Variants in TRIM13 observed in about 807,000 individuals in gnomAD.
TRIM13 encodes E3 ubiquitin-protein ligase TRIM13.
TRIM13 carries 15 observed loss-of-function variants against 27.1 expected under a neutral mutation model. The observed-to-expected ratio is 0.55, with a 90% CI of 0.37 to 0.85. TRIM13 has a LOEUF of 0.85. TRIM13 is among the 40% of genes least tolerant of loss of function. The pLI, the probability that TRIM13 is intolerant of heterozygous loss-of-function variation, is 0.00. For synonymous variants in TRIM13, 193 were observed against 171.5 expected, an observed-to-expected ratio of 1.13 and a Z score of -0.98; for missense variants, 402 against 472.2, an observed-to-expected ratio of 0.85 and a Z score of 1.38.
Position 50,012,253 on chromosome 13 carries a change from T to G in TRIM13, c.313T>G (p.Phe105Val). ...ACACTTGGGGCAGCCTCTCAACATT[T>G]TCTGCCTGACTGATATGCAGCTGAT... Reference protein sequence around the residue: ...KGHLGQPLNIFCLTDMQLICG... With the variant: ...KGHLGQPLNIVCLTDMQLICG... Residue 105 changes from phenylalanine (F) to valine (V), a missense_variant, in exon 2 of 2, where the codon TTC becomes GTC. By Grantham distance (50) the Phe-to-Val change is conservative. Transcript: ENST00000378182. 1 of 1,614,168 alleles carries G rather than the reference T, an allele frequency of 6.2e-7. No homozygotes were observed. The highest frequency in any genetic ancestry group is 8.5e-7 in the Non-Finnish European group (1 of 1,179,996).
At chr13:50,007,941 G>A (rs1201082488) in intron 1 of TRIM13, among the ~76,000 whole-genome samples, 4 of 150,346 alleles carry the variant, frequency 2.7e-5, no homozygotes, top group African/African-American at 4.9e-5. Context: ...GTATTGCTGT[G>A]TTGCCCAGGC....
chr13:50,012,402 G>T lies in TRIM13; in HGVS notation c.462G>T (p.Arg154=). ...TCCAGAGCTTTGAGACCTGGCGTCG[G>T]GGAGATGCTCTTTCTCGCTTGGATA... The part of the protein sequence containing the change: ...SLFQSFETWR[R]GDALSRLDTL... Residue 154 remains arginine, a synonymous_variant, in exon 2 of 2, where the codon CGG becomes CGT. Coordinates refer to ENST00000378182, the MANE Select transcript of TRIM13 (RefSeq NM_213590.3). 6.2e-7 allele frequency: 1 copy of T among 1,614,080 alleles called. No individual in the cohort carries two copies. The highest frequency in any genetic ancestry group is 8.5e-7 in the Non-Finnish European group (1 of 1,180,004).
rs758543274 is a variant in TRIM13 at position 50,014,400 on chromosome 13, CATATAT to C, written c.*1239_*1244del. The C allele has an allele frequency of 7.7e-6, 1 of 129,794 alleles. No individual in the cohort carries two copies. Among genetic ancestry groups the C allele is most frequent in the African/African-American group, 3.2e-5 (1 of 30,808 alleles). 8.0% of individuals were successfully genotyped at this position (129,794 alleles called of 1,614,324 possible). On this transcript the variant is annotated 3_prime_UTR_variant, in exon 2 of 2. Transcript: ENST00000378182. ...ACATATGTACACATACATATATATA[CATATAT>C]ATGTATATATAGAACACATGGCAAG...
chr13:50,010,259 G>C (rs1875454734), intron 1 of TRIM13, among the ~76,000 whole-genome samples: 1 of 151,812 alleles, frequency 6.6e-6, no homozygotes, highest in African/African-American at 2.4e-5. Context: ...TTGCTATGTT[G>C]CCCGTACTGG....
At chr13:50,010,778 G>C (rs1422725356) in intron 1 of TRIM13, among the ~76,000 whole-genome samples, 1 of 152,084 alleles carries the variant, frequency 6.6e-6, no homozygotes, top group Non-Finnish European at 1.5e-5. Context: ...CCCAGAAAAT[G>C]TCAGGTAGCT....
At chr13:50,005,683 A>G (rs1345658776) in intron 1 of TRIM13, among the ~76,000 whole-genome samples, 1 of 151,878 alleles carries the variant, frequency 6.6e-6, no homozygotes, top group Non-Finnish European at 1.5e-5. Flanking sequence ...TCTAAAAAAA[A>G]AAGAGAGAAG....
Position 50,015,822 on chromosome 13 carries a change from T to C in TRIM13, c.*2658T>C. ...CTGCTACAGCCAAGACCTGCTCTTG[T>C]GGAGGTACATTTCCTAAGCCGGAAC... On this transcript the variant is annotated 3_prime_UTR_variant, in exon 2 of 2. Coordinates refer to ENST00000378182, the MANE Select transcript of TRIM13 (RefSeq NM_213590.3). 3 of 1,614,152 alleles carry C rather than the reference T, an allele frequency of 1.9e-6. No homozygotes were observed. The highest frequency in any genetic ancestry group is 2.5e-6 in the Non-Finnish European group (3 of 1,179,984).
intron 1 of TRIM13, among the ~76,000 whole-genome samples, chr13:50,006,397 GT>G (rs1566435945): frequency 6.6e-6 from 1 of 151,940 alleles, no homozygotes; most frequent in Non-Finnish European, 1.5e-5. Context: ...TATATTCTTT[GT>G]TTTCTTCTTA....
Position 50,015,766 on chromosome 13 carries a change from T to C in TRIM13, c.*2602T>C, listed in dbSNP as rs748222155. On this transcript the variant is annotated 3_prime_UTR_variant, in exon 2 of 2. Transcript: ENST00000378182. ...AGAGAGAGGCTCTTTTCTATGAACT[T>C]CGTTCTCTAGTTGATCTCTTAAACC... 1 of 1,614,140 alleles carries C rather than the reference T, an allele frequency of 6.2e-7. No individual in the cohort carries two copies. The highest frequency in any genetic ancestry group is 8.5e-7 in the Non-Finnish European group (1 of 1,179,984).
Position 50,017,871 on chromosome 13 carries a change from T to C in TRIM13, c.*4707T>C, listed in dbSNP as rs1298326321. 6.0e-6 allele frequency: 1 copy of C among 167,098 alleles called. No homozygotes were observed. Among genetic ancestry groups the C allele is most frequent in the Non-Finnish European group, 1.5e-5 (1 of 68,110 alleles). The allele number at this position is 167,098 out of a possible 1,614,324, so 10.4% of individuals were successfully genotyped here. ...TTGGAAAATGGAGAAGTGAGCCTAA[T>C]TGGTGCCTAATTGTCTGGTGTATCA... On this transcript the variant is annotated 3_prime_UTR_variant, in exon 2 of 2. Coordinates refer to ENST00000378182, the MANE Select transcript of TRIM13 (RefSeq NM_213590.3).
At chr13:50,011,335 T>A (rs1875611287) in intron 1 of TRIM13, among the ~76,000 whole-genome samples, 1 of 152,212 alleles carries the variant, frequency 6.6e-6, no homozygotes, top group Admixed American at 6.5e-5. Context: ...TCTGGTGGTT[T>A]AAAAACAACA....
At position 50,002,764 on chromosome 13, in the gene TRIM13, G is replaced by A. The variant is rs541636984; in HGVS notation, c.-7+5001G>A. The stretch of plus-strand genomic sequence containing the variant: ...TGCAACCTCTGCCGCCTGGGTTCAA[G>A]TGATTTTCCTGCCTCAGCCTCCCGA... On this transcript the variant is annotated intron_variant, in intron 1 of 1. Coordinates refer to ENST00000378182, the MANE Select transcript of TRIM13 (RefSeq NM_213590.3). Among the ~76,000 whole-genome samples, 5 of 152,078 alleles carry A rather than the reference G, an allele frequency of 3.3e-5. No homozygotes were observed. The South Asian group carries it at 1.0e-3, about 32-fold the overall frequency.
At chr13:50,000,413 C>T (rs1433225740) in intron 1 of TRIM13, among the ~76,000 whole-genome samples, 2 of 152,172 alleles carry the variant, frequency 1.3e-5, no homozygotes, top group East Asian at 3.9e-4. Flanking sequence ...TGGAGCAAGA[C>T]TTTTCTCTAT....
chr13:50,013,041 A>G lies in TRIM13; in HGVS notation c.1101A>G (p.Gln367=), dbSNP rs761693458. 33 of 1,613,870 alleles carry G rather than the reference A, an allele frequency of 2.0e-5. No individual in the cohort carries two copies. Among genetic ancestry groups the G allele is most frequent in the Non-Finnish European group, 2.4e-5 (28 of 1,179,986 alleles). The change falls in exon 2 of 2, where the codon CAA becomes CAG. Residue 367 remains glutamine, a synonymous_variant. Transcript: ENST00000378182. The part of the protein sequence containing the change: ...YLTKTADFIE[Q]SVFYWEQVTD... ...CTAAAACAGCCGATTTCATAGAACA[A>G]TCAGTTTTTTACTGGGAACAGGTGA...
Position 50,012,690 on chromosome 13 carries a change from A to G in TRIM13, c.750A>G (p.Gln250=). The G allele has an allele frequency of 6.2e-7, 1 of 1,614,164 alleles. No homozygotes were observed. Among genetic ancestry groups the G allele is most frequent in the South Asian group, 1.1e-5 (1 of 91,078 alleles). ...KDVSEPIVFL[Q]QMQEFREKIK... ...TGTCAGAACCCATTGTATTTCTGCAACAGATGCAGGAGTTTAGAGAGAAAA... is the reference window on the plus strand; with the variant it reads ...TGTCAGAACCCATTGTATTTCTGCAGCAGATGCAGGAGTTTAGAGAGAAAA... The change falls in exon 2 of 2, where the codon CAA becomes CAG. Residue 250 remains glutamine (Q), a synonymous_variant. Coordinates refer to ENST00000378182, the MANE Select transcript of TRIM13 (RefSeq NM_213590.3).
Position 50,013,184 on chromosome 13 carries a change from G to A in TRIM13, c.*20G>A, listed in dbSNP as rs1594586095. On this transcript the variant is annotated 3_prime_UTR_variant, in exon 2 of 2. Transcript: ENST00000378182. Reference sequence around the variant, plus strand: ...TTATAAAATCTGTTTCAAGTATGCAGTTTTCTTTTGTTAGAAATTGTTAGA... The same window carrying A: ...TTATAAAATCTGTTTCAAGTATGCAATTTTCTTTTGTTAGAAATTGTTAGA... 1 of 1,511,372 alleles carries A rather than the reference G, an allele frequency of 6.6e-7. No homozygotes were observed. The highest frequency in any genetic ancestry group is 2.3e-5 in the East Asian group (1 of 43,272). The allele number at this position is 1,511,372 out of a possible 1,614,324, so 93.6% of individuals were successfully genotyped here.
chr13:50,008,215 CT>C (rs1415763369), intron 1 of TRIM13, among the ~76,000 whole-genome samples: 1 of 152,078 alleles, frequency 6.6e-6, no homozygotes, highest in Non-Finnish European at 1.5e-5. Flanking sequence ...CAAGTATTCA[CT>C]TTTTATCATA....
chr13:49,999,006 A>G (rs1353921682), intron 1 of TRIM13, among the ~76,000 whole-genome samples: 4 of 151,974 alleles, frequency 2.6e-5, no homozygotes, highest in African/African-American at 9.7e-5. Context: ...AAAAATATGC[A>G]GGCTAGAAGC....
intron 1 of TRIM13, among the ~76,000 whole-genome samples, chr13:50,009,058 C>T (rs1594576926): frequency 7.0e-6 from 1 of 142,272 alleles, no homozygotes; most frequent in East Asian, 2.1e-4. Context: ...ATCCCAAGAA[C>T]TTTATGTTTG....
Sources: allele counts gnomAD v4.1 joint callset (sites outside exome capture counted in the v4.1 genomes callset), GRCh38; gene constraint gnomAD v4.1.1; transcripts MANE v1.5; gene names NCBI Gene and HGNC (gene_info 2026-07-23, HGNC 2026-07-21).